DLGAP1: variants seen among roughly 807,000 people sequenced by gnomAD.
DLGAP1 encodes the protein disks large-associated protein 1.
DLGAP1 carries 11 observed loss-of-function variants against 90.8 expected under a neutral mutation model. The observed-to-expected ratio is 0.12, with a 90% CI of 0.08 to 0.20. The LOEUF (loss-of-function observed/expected upper bound fraction) is 0.20. Ranked by LOEUF, DLGAP1 falls within the 10% of genes least tolerant of loss-of-function variation. The probability of loss-of-function intolerance (pLI) is 1.00; values close to 1 mark genes in which losing one functional copy is unlikely to be tolerated. For synonymous variants in DLGAP1, 558 were observed against 540.7 expected, an observed-to-expected ratio of 1.03 and a Z score of -0.44; for missense variants, 1,050 against 1,333.8, an observed-to-expected ratio of 0.79 and a Z score of 3.31.
intron 1 of DLGAP1, among the ~76,000 whole-genome samples, chr18:4,332,927 T>A (rs1186505115): frequency 2.6e-5 from 4 of 151,944 alleles, no homozygotes. Flanking sequence ...AAAACTAAAC[T>A]CTTCTCCCTC....
At chr18:4,127,412 A>C (rs1294570208) in intron 2 of DLGAP1, among the ~76,000 whole-genome samples, 2 of 152,196 alleles carry the variant, frequency 1.3e-5, no homozygotes, top group African/African-American at 4.8e-5. Flanking sequence ...GCAAAAATGA[A>C]GAGGTACAAA....
intron 3 of DLGAP1, among the ~76,000 whole-genome samples, chr18:3,901,949 C>A (rs912094279): frequency 6.6e-6 from 1 of 152,180 alleles, no homozygotes; most frequent in African/African-American, 2.4e-5. Context: ...TCACACTTTG[C>A]AACATTCATT....
At chr18:4,405,897 A>C (rs2144567796) in intron 1 of DLGAP1, among the ~76,000 whole-genome samples, 1 of 152,320 alleles carries the variant, frequency 6.6e-6, no homozygotes, top group South Asian at 2.1e-4. Flanking sequence ...GTACAAACAA[A>C]GCAACTAAAG....
Position 3,561,436 on chromosome 18 carries a change from CAAA to C in DLGAP1, c.2057+6051_2057+6053del, listed in dbSNP as rs68086553. 6.7e-4 allele frequency among the ~76,000 whole-genome samples: 51 copies of C among 76,368 alleles called. 1 individual carries two copies. The highest frequency in any genetic ancestry group is 1.9e-3 in the African/African-American group (37 of 18,990). 50.1% of individuals were successfully genotyped at this position (76,368 alleles called of 152,430 possible). Reference sequence around the variant, plus strand: ...GGGCGACAGAGCAAGACTCCATCTCCAAAAAAAAAAAAAAAAAAAAAAACAGAA... The same window carrying C: ...GGGCGACAGAGCAAGACTCCATCTCCAAAAAAAAAAAAAAAAAAAACAGAA... On this transcript the variant is annotated intron_variant, in intron 9 of 12. Transcript: ENST00000315677.
At chr18:4,249,163 C>A (rs1250414187) in intron 1 of DLGAP1, among the ~76,000 whole-genome samples, 2 of 152,132 alleles carry the variant, frequency 1.3e-5, no homozygotes, top group Non-Finnish European at 2.9e-5. Context: ...GTTGTAATCA[C>A]TTATTTTGTT....
At chr18:3,936,664 AG>A (rs1690727326) in intron 3 of DLGAP1, among the ~76,000 whole-genome samples, 1 of 152,220 alleles carries the variant, frequency 6.6e-6, no homozygotes, top group African/African-American at 2.4e-5. Context: ...ATTTCTGGCC[AG>A]TAGTAAAGAT....
chr18:4,419,177 C>T (rs1262813813), intron 1 of DLGAP1, among the ~76,000 whole-genome samples: 2 of 152,032 alleles, frequency 1.3e-5, no homozygotes, highest in Non-Finnish European at 2.9e-5. Context: ...GGGCAAATTA[C>T]AAAAGAAAGA....
chr18:4,265,482 C>T (rs1416423760), intron 1 of DLGAP1, among the ~76,000 whole-genome samples: 1 of 148,934 alleles, frequency 6.7e-6, no homozygotes, highest in African/African-American at 2.5e-5. Flanking sequence ...TCCTTCCTTC[C>T]TTCCTTTCCT....
At chr18:3,527,791 C>T in intron 10 of DLGAP1, among the ~76,000 whole-genome samples, 1 of 151,978 alleles carries the variant, frequency 6.6e-6, no homozygotes, top group Non-Finnish European at 1.5e-5. Context: ...GAGATAGGGT[C>T]TCTGTTGCCC....
intron 1 of DLGAP1, among the ~76,000 whole-genome samples, chr18:4,157,343 C>T (rs2076773742): frequency 6.6e-6 from 1 of 152,186 alleles, no homozygotes; most frequent in South Asian, 2.1e-4. Context: ...GTGCTTCACT[C>T]CAGTGGATCG....
intron 2 of DLGAP1, among the ~76,000 whole-genome samples, chr18:4,147,565 C>T (rs1049245925): frequency 4.9e-5 from 7 of 143,744 alleles, no homozygotes; most frequent in African/African-American, 1.6e-4. Flanking sequence ...ACCTGTTCAT[C>T]CATTCTTCCA....
At chr18:4,336,044 G>C (rs2081060951) in intron 1 of DLGAP1, among the ~76,000 whole-genome samples, 1 of 152,172 alleles carries the variant, frequency 6.6e-6, no homozygotes, top group Admixed American at 6.5e-5. Context: ...ACAAGAAGCA[G>C]CAAAATGCAC....
intron 9 of DLGAP1, among the ~76,000 whole-genome samples, chr18:3,544,474 A>G (rs2052895019): frequency 6.6e-6 from 1 of 152,118 alleles, no homozygotes; most frequent in Admixed American, 6.5e-5. Flanking sequence ...AATACTTTCT[A>G]TTTTCCCTTT....
chr18:4,322,943 G>GAACAAAAAAAAA (rs1568513548), intron 1 of DLGAP1, among the ~76,000 whole-genome samples: 1 of 97,602 alleles, frequency 1.0e-5, no homozygotes. Flanking sequence ...CCTGGGCACA[G>GAACAAAAAAAAA]AAAAAAAAAA....
intron 1 of DLGAP1, among the ~76,000 whole-genome samples, chr18:4,311,808 C>G (rs1029177580): frequency 6.6e-6 from 1 of 152,092 alleles, no homozygotes; most frequent in Admixed American, 6.6e-5. Flanking sequence ...CTCCACCTCC[C>G]GGGTTCAAGC....
chr18:3,975,963 A>G (rs571417490), intron 3 of DLGAP1, among the ~76,000 whole-genome samples: 62 of 152,186 alleles, frequency 4.1e-4, no homozygotes, highest in Admixed American at 1.1e-3. Context: ...CAGAGTTTCC[A>G]CTTGGGAAGA....
At chr18:4,178,176 G>A (rs1449309777) in intron 1 of DLGAP1, among the ~76,000 whole-genome samples, 2 of 140,736 alleles carry the variant, frequency 1.4e-5, no homozygotes, top group African/African-American at 2.7e-5. Flanking sequence ...ATCTCTACCT[G>A]TAGAAATCCT....
intron 4 of DLGAP1, among the ~76,000 whole-genome samples, chr18:3,814,625 T>C (rs1266068841): frequency 6.6e-6 from 1 of 152,166 alleles, no homozygotes; most frequent in Non-Finnish European, 1.5e-5. Flanking sequence ...CCTCCCAAAG[T>C]GCTGGGATTA....
chr18:3,685,563 CAAAAAAAA>C (rs59737533), intron 7 of DLGAP1, among the ~76,000 whole-genome samples: 15,825 of 76,394 alleles, frequency 0.21, 1,322 homozygotes, highest in East Asian at 0.48. Context: ...GATTCCGTCT[CAAAAAAAA>C]AAAAAAAAAA....
Sources: gnomAD v4.1 joint callset for allele counts (sites outside exome capture counted in the v4.1 genomes callset) on GRCh38, gnomAD v4.1.1 for gene constraint, MANE v1.5 for transcripts, NCBI Gene and HGNC (gene_info 2026-07-23, HGNC 2026-07-21) for gene names.